The following GEN1 variants were observed in gnomAD, a reference collection of about 807,000 sequenced individuals.
The protein encoded by GEN1 is flap endonuclease GEN homolog 1.
GEN1 carries 64 observed loss-of-function variants against 67.6 expected under a neutral mutation model. That is an observed-to-expected ratio of 0.95 (90% CI 0.77 to 1.17). GEN1 has a LOEUF of 1.17. Ranked by LOEUF, GEN1 falls within the 50% of genes most tolerant of loss-of-function variation. The pLI, the probability that GEN1 is intolerant of heterozygous loss-of-function variation, is 0.00. For missense variants in GEN1, 1,058 were observed against 1,048.3 expected, an observed-to-expected ratio of 1.01 and a Z score of -0.13; for synonymous variants, 371 against 359.4, an observed-to-expected ratio of 1.03 and a Z score of -0.37.
intron 1 of GEN1, chr2:17,755,440 A>G (rs1454780556): frequency 1.3e-5 from 2 of 152,260 alleles, no homozygotes; most frequent in Non-Finnish European, 2.9e-5. Flanking sequence ...GTTAAATAGT[A>G]GACATTTAAT....
intron 4 of GEN1, among the ~76,000 whole-genome samples, chr2:17,765,452 A>G (rs576298360): frequency 1.3e-5 from 2 of 152,366 alleles, no homozygotes; most frequent in Non-Finnish European, 2.9e-5. Context: ...GTTAATAATT[A>G]CAAAAATTTG....
chr2:17,777,542 T>G (rs1672492885), intron 11 of GEN1, among the ~76,000 whole-genome samples: 1 of 152,102 alleles, frequency 6.6e-6, no homozygotes, highest in African/African-American at 2.4e-5. Context: ...TCCAGCAGCT[T>G]TATCAGTAAT....
rs201334007 is a variant in GEN1 at position 17,780,102 on chromosome 2, T to G, written c.1389T>G (p.Ile463Met). The stretch of plus-strand genomic sequence containing the variant: ...TTTACCAAAAACAAAAGTTAGAAAT[T>G]AAAGGGAAGAAACAAAAACGTAAGT... ...VAVYQKQKLE[I>M]KGKKQKRIKP... Residue 463 changes from isoleucine to methionine, a missense_variant, in exon 13 of 14, where the codon ATT (isoleucine) becomes ATG (methionine). Transcript: ENST00000381254. 6.2e-7 allele frequency: 1 copy of G among 1,612,432 alleles called. No homozygotes were observed.
In GEN1 at chr2:17,771,278, T is replaced by C. The variant is rs554632847; in HGVS notation, c.793T>C (p.Ser265Pro). The C allele has an allele frequency of 3.1e-6, 5 of 1,592,300 alleles. No homozygotes were observed. Among genetic ancestry groups the C allele is most frequent in the East Asian group, 2.2e-5 (1 of 44,744 alleles). ...AAAACTGGCTCATTGTTCCGTATGTTCCCATCCAGGTAAGGAGACATAGGG... is the reference window on the plus strand; with the variant it reads ...AAAACTGGCTCATTGTTCCGTATGTCCCCATCCAGGTAAGGAGACATAGGG... ...TKKLAHCSVC[S>P]HPGSPKDHER... The change falls in exon 7 of 14, where the codon TCC becomes CCC. Residue 265 changes from serine to proline, a missense_variant. Coordinates refer to ENST00000381254, the MANE Select transcript of GEN1 (RefSeq NM_001130009.3).
chr2:17,761,318 C>T, intron 2 of GEN1, 78 bp from the exon 3 acceptor site: 1 of 741,932 alleles, frequency 1.3e-6, no homozygotes, highest in Non-Finnish European at 2.2e-6. Context: ...GTCTAATGTT[C>T]TTGCCTTTGT....
At chr2:17,766,789 TC>T (rs1452180845) in intron 5 of GEN1, 100 bp downstream of exon 5, 1 of 602,138 alleles carries the variant, frequency 1.7e-6, no homozygotes, top group Non-Finnish European at 2.9e-6. Context: ...TGATTAAAAA[TC>T]GAATTTAAAA....
chr2:17,778,191 C>CACACGTATGTGTATATATATGTAT lies in GEN1; in HGVS notation c.1264+132_1264+133insGTATGTGTATATATATGTATACAC, dbSNP rs1572417116. 155 of 404,186 alleles carry CACACGTATGTGTATATATATGTAT rather than the reference C, an allele frequency of 3.8e-4. 6 individuals carry two copies. The East Asian group carries it at 5.5e-3, about 14-fold the overall frequency. 25.0% of individuals were successfully genotyped at this position (404,186 alleles called of 1,614,324 possible). A position where few individuals can be genotyped will look rare whatever the true frequency, so the allele number is the denominator to read the frequency against. Reference sequence around the variant, plus strand: ...AGATATGTGTATATATATATATACACACACACATATATGTGTATATATATG... The same window carrying CACACGTATGTGTATATATATGTAT: ...AGATATGTGTATATATATATATACACACACGTATGTGTATATATATGTATACACACATATATGTGTATATATATG... On this transcript the variant is annotated intron_variant, in intron 12 of 13. Coordinates refer to ENST00000381254, the MANE Select transcript of GEN1 (RefSeq NM_001130009.3).
chr2:17,782,781 A>C lies in GEN1; in HGVS notation c.*842A>C, dbSNP rs374861666. On this transcript the variant is annotated 3_prime_UTR_variant, in exon 14 of 14. Coordinates refer to ENST00000381254, the MANE Select transcript of GEN1 (RefSeq NM_001130009.3). ...TGCCTGCTAATTTTTTTATTTTTCT[A>C]TTTTTTCCTTCTATAGCACTTTTCC... 6.6e-6 allele frequency: 1 copy of C among 152,104 alleles called. No homozygotes were observed. Among genetic ancestry groups the C allele is most frequent in the South Asian group, 2.1e-4 (1 of 4,814 alleles). 9.4% of individuals were successfully genotyped at this position (152,104 alleles called of 1,614,324 possible).
At chr2:17,753,363 G>A (rs1450693939), upstream of GEN1, among the ~76,000 whole-genome samples, 3 of 152,214 alleles carry the variant, frequency 2.0e-5, no homozygotes, top group Non-Finnish European at 4.4e-5. Flanking sequence ...GCCTGGGAGG[G>A]GACGGCCCGG....
chr2:17,778,048 G>A lies in GEN1; in HGVS notation c.1249G>A (p.Glu417Lys). 1 of 1,595,342 alleles carries A rather than the reference G, an allele frequency of 6.3e-7. No individual in the cohort carries two copies. The highest frequency in any genetic ancestry group is 8.6e-7 in the Non-Finnish European group (1 of 1,165,084). Residue 417 changes from glutamate (E) to lysine (K), a missense_variant, in exon 12 of 14, where the codon GAA becomes AAA. Glu to Lys is a moderately conservative substitution (Grantham distance 56, BLOSUM62 1). Coordinates refer to ENST00000381254, the MANE Select transcript of GEN1 (RefSeq NM_001130009.3). ...AAATGGAGTTCATTGTTTTGAAATA[G>A]AATGGGAAAAGCCTGGTATGTATTC... is the stretch of plus-strand genomic sequence containing the variant. ...IRNGVHCFEIEWEKPEHYAME... is the reference protein window; with the variant it reads ...IRNGVHCFEIKWEKPEHYAME...
intron 11 of GEN1, 150 bp downstream of exon 11, chr2:17,774,551 C>A: frequency 2.2e-6 from 1 of 455,278 alleles, no homozygotes; most frequent in South Asian, 4.3e-5. Context: ...ATAATCAGAA[C>A]AACATAGTAA....
intron 3 of GEN1, among the ~76,000 whole-genome samples, chr2:17,761,796 C>G (rs1671692233): frequency 6.6e-6 from 1 of 152,122 alleles, no homozygotes; most frequent in Non-Finnish European, 1.5e-5. Context: ...AATTTGTAAC[C>G]TATCTCTACC....
At chr2:17,773,427 A>T (rs1202453075) in intron 10 of GEN1, 128 bp downstream of exon 10, 3 of 601,586 alleles carry the variant, frequency 5.0e-6, no homozygotes, top group Non-Finnish European at 8.8e-6. Flanking sequence ...TTTTTTCAGC[A>T]TTTATTTCTA....
chr2:17,764,555 C>T (rs1221258692), intron 3 of GEN1, among the ~76,000 whole-genome samples: 1 of 152,126 alleles, frequency 6.6e-6, no homozygotes, highest in African/African-American at 2.4e-5. Context: ...CATCTTGTTT[C>T]ATCTATTCCC....
At chr2:17,757,458 A>G (rs1671485912) in intron 1 of GEN1, among the ~76,000 whole-genome samples, 1 of 152,038 alleles carries the variant, frequency 6.6e-6, no homozygotes, top group African/African-American at 2.4e-5. Flanking sequence ...ATGTGTGTTT[A>G]TGTGTGCCAT....
At position 17,788,559 on chromosome 2, in the gene GEN1, T is replaced by C. The variant is rs1255799514; in HGVS notation, c.*6620T>C. The C allele has an allele frequency of 6.6e-6, 1 of 152,206 alleles. No individual in the cohort carries two copies. The highest frequency in any genetic ancestry group is 1.5e-5 in the Non-Finnish European group (1 of 68,030). 9.4% of individuals were successfully genotyped at this position (152,206 alleles called of 1,614,324 possible). On this transcript the variant is annotated 3_prime_UTR_variant, in exon 14 of 14. Coordinates refer to ENST00000381254, the MANE Select transcript of GEN1 (RefSeq NM_001130009.3). ...GAAGAACTTTAATAAGGATTAAGTG[T>C]CTGAGCTTCCTTAGCATTATTCTAT...
intron 12 of GEN1, among the ~76,000 whole-genome samples, chr2:17,778,986 C>G (rs1030438535): frequency 1.3e-5 from 2 of 152,064 alleles, no homozygotes; most frequent in Non-Finnish European, 2.9e-5. Flanking sequence ...TGCAGTGGCA[C>G]CACCTTGGCT....
rs983736960 is a variant in GEN1 at position 17,782,595 on chromosome 2, T to C, written c.*656T>C. 2 of 152,196 alleles carry C rather than the reference T, an allele frequency of 1.3e-5. No homozygotes were observed. Among genetic ancestry groups the C allele is most frequent in the African/African-American group, 4.8e-5 (2 of 41,446 alleles). The allele number at this position is 152,196 out of a possible 1,614,324, so 9.4% of individuals were successfully genotyped here. Reference sequence around the variant, plus strand: ...TGTTTAGTAAAAATCATGCTCGTAATGGCTGAATAAACTGAGCAAAGTAAC... The same window carrying C: ...TGTTTAGTAAAAATCATGCTCGTAACGGCTGAATAAACTGAGCAAAGTAAC... On this transcript the variant is annotated 3_prime_UTR_variant, in exon 14 of 14. Transcript: ENST00000381254.
At chr2:17,779,940 C>T in intron 12 of GEN1, 38 bp from the exon 13 acceptor site, 1 of 1,546,804 alleles carries the variant, frequency 6.5e-7, no homozygotes, top group Non-Finnish European at 8.9e-7. Context: ...TTTTAAATGC[C>T]TAATTAAGGA....
Sources: gnomAD v4.1 joint callset for allele counts (sites outside exome capture counted in the v4.1 genomes callset) on GRCh38, gnomAD v4.1.1 for gene constraint, MANE v1.5 for transcripts, NCBI Gene and HGNC (gene_info 2026-07-23, HGNC 2026-07-21) for gene names.